Variants in CD36 observed in about 807,000 individuals in gnomAD.
The protein encoded by CD36 is platelet glycoprotein 4.
In CD36, 119 loss-of-function variants were observed where a neutral mutation model predicts 55.2. The ratio of observed to expected loss-of-function variants is 2.15; its 90% confidence interval spans 1.86 to 2.51. The LOEUF (loss-of-function observed/expected upper bound fraction) is 2.51. CD36 is among the 30% of genes most tolerant of loss of function. The pLI is 0.00. For missense variants in CD36, 819 were observed against 555.5 expected (o/e 1.47, Z -4.77); for synonymous variants, 186 against 193.6 (o/e 0.96, Z 0.33).
intron 1 of CD36, among the ~76,000 whole-genome samples, chr7:80,619,183 C>A (rs948785913): frequency 2.6e-5 from 4 of 152,168 alleles, no homozygotes; most frequent in African/African-American, 9.7e-5. Context: ...CATCCATTTA[C>A]AGCATAGTTT....
chr7:80,616,457 GCACACA>G (rs149005116), intron 1 of CD36, among the ~76,000 whole-genome samples: 3 of 148,152 alleles, frequency 2.0e-5, no homozygotes, highest in Non-Finnish European at 3.0e-5. Flanking sequence ...GTGCCTGCAC[GCACACA>G]CACACACACA....
At position 80,674,007 on chromosome 7, in the gene CD36, G is replaced by GCAAA; in HGVS notation, c.1282_1285dup (p.Met429LysfsTer126). 6.2e-7 allele frequency: 1 copy of GCAAA among 1,611,940 alleles called. No homozygotes were observed. On this transcript the variant is annotated frameshift_variant, in exon 14 of 15. Coordinates refer to ENST00000447544, the MANE Select transcript of CD36 (RefSeq NM_001001548.3). LOFTEE classifies it high-confidence loss of function. Reference sequence around the variant, plus strand: ...GACTGGGACCATTGGTGATGAGAAGGCAAACATGTTCAGAAGTCAAGTAAC... The same window carrying GCAAA: ...GACTGGGACCATTGGTGATGAGAAGGCAAACAAACATGTTCAGAAGTCAAGTAAC...
At chr7:80,669,561 CGAGCGCCTAT>C (rs1797445529) in intron 8 of CD36, among the ~76,000 whole-genome samples, 4 of 151,936 alleles carry the variant, frequency 2.6e-5, no homozygotes, top group African/African-American at 9.7e-5. Flanking sequence ...GCTGGGATTA[CGAGCGCCTAT>C]CTCAGGATAG....
rs1004549007 is a variant in CD36, at chr7:80,670,890, C to T, written c.819-87C>T. 3.7e-5 allele frequency: 35 copies of T among 947,780 alleles called. No individual in the cohort carries two copies. In the South Asian group the frequency reaches 4.1e-4, roughly 11 times the overall value. The allele number at this position is 947,780 out of a possible 1,614,324, so 58.7% of individuals were successfully genotyped here. ...GAATTTAAAAGAGTATATGATGTTT[C>T]TAAGTTAAAACAAGAATAAGAAAAA... On this transcript the variant is annotated intron_variant, in intron 9 of 14. Transcript: ENST00000447544.
chr7:80,658,266 CAT>C (rs549857556), intron 4 of CD36, among the ~76,000 whole-genome samples: 6 of 139,844 alleles, frequency 4.3e-5, no homozygotes, highest in African/African-American at 1.5e-4. Context: ...TTAGGTGTAC[CAT>C]ATATATATAC....
At chr7:80,620,057 A>G (rs375670714) in intron 1 of CD36, among the ~76,000 whole-genome samples, 4 of 152,156 alleles carry the variant, frequency 2.6e-5, no homozygotes, top group African/African-American at 9.7e-5. Flanking sequence ...CCTGGTGAAG[A>G]TGCTATGAAC....
intron 14 of CD36, chr7:80,674,527 A>T (rs56225917): frequency 2.5e-4 from 61 of 240,142 alleles, no homozygotes; most frequent in Non-Finnish European, 4.5e-4. Flanking sequence ...GCATGTAGAC[A>T]TGCTGGCCGT....
chr7:80,623,665 C>A lies in CD36; in HGVS notation c.-184+21286C>A, dbSNP rs150036635. On this transcript the variant is annotated intron_variant, in intron 1 of 13. Transcript: ENST00000309881. Reference sequence around the variant, plus strand: ...CTTGCTGGGCCCTGCCCAAGGTTGCCCTCATCTCCAGCTTTCCACAAACTG... The same window carrying A: ...CTTGCTGGGCCCTGCCCAAGGTTGCACTCATCTCCAGCTTTCCACAAACTG... Among the ~76,000 whole-genome samples, 12 of 152,244 alleles carry A rather than the reference C, an allele frequency of 7.9e-5. No individual in the cohort carries two copies. In the East Asian group the frequency reaches 2.3e-3, roughly 29 times the overall value.
At chr7:80,621,915 A>T (rs1177234518) in intron 1 of CD36, among the ~76,000 whole-genome samples, 1 of 152,222 alleles carries the variant, frequency 6.6e-6, no homozygotes, top group African/African-American at 2.4e-5. Context: ...GACTGCATTG[A>T]GAACTTGTCT....
In CD36 at chr7:80,656,806, C is replaced by A. The variant is rs10270675; in HGVS notation, c.281+106C>A. 8.3e-4 allele frequency: 841 copies of A among 1,017,460 alleles called. 6 individuals are homozygous for A. In the African/African-American group the frequency reaches 0.012, roughly 15 times the overall value. 63.0% of individuals were successfully genotyped at this position (1,017,460 alleles called of 1,614,324 possible). On this transcript the variant is annotated intron_variant, in intron 4 of 14. Coordinates refer to ENST00000447544, the MANE Select transcript of CD36 (RefSeq NM_001001548.3). ...TGTATTGAAATGTACTTATTATTTTCTTGCCAAAAATATACTTTAAAATAT... is the reference window on the plus strand; with the variant it reads ...TGTATTGAAATGTACTTATTATTTTATTGCCAAAAATATACTTTAAAATAT...
At chr7:80,643,881 T>C (rs1794973448) in intron 1 of CD36, among the ~76,000 whole-genome samples, 1 of 152,156 alleles carries the variant, frequency 6.6e-6, no homozygotes, top group Non-Finnish European at 1.5e-5. Flanking sequence ...GATCGCTATA[T>C]TTTAATTGCT....
intron 10 of CD36, 91 bp from the exon 11 acceptor site, chr7:80,671,831 A>G: frequency 4.3e-6 from 5 of 1,162,382 alleles, no homozygotes; most frequent in Non-Finnish European, 6.4e-6. Context: ...TTTTAATGCA[A>G]GAAGCTTTAG....
chr7:80,672,800 C>CGGCT lies in CD36; in HGVS notation c.1158_1161dup (p.Gln388AlafsTer31). On this transcript the variant is annotated frameshift_variant, in exon 12 of 15. Coordinates refer to ENST00000447544, the MANE Select transcript of CD36 (RefSeq NM_001001548.3). LOFTEE classifies it high-confidence loss of function. Reference sequence around the variant, plus strand: ...TGGATTCACTTTACAATTTGCAAAACGGCTGCAGGTCAACCTATTGGTCAA... The same window carrying CGGCT: ...TGGATTCACTTTACAATTTGCAAAACGGCTGGCTGCAGGTCAACCTATTGGTCAA... 6.2e-7 allele frequency: 1 copy of CGGCT among 1,610,492 alleles called. No homozygotes were observed. The highest frequency in any genetic ancestry group is 1.3e-5 in the African/African-American group (1 of 74,890).
At chr7:80,627,843 G>A (rs1286953441) in intron 1 of CD36, among the ~76,000 whole-genome samples, 1 of 151,952 alleles carries the variant, frequency 6.6e-6, no homozygotes, top group East Asian at 1.9e-4. Flanking sequence ...AAATATTTGG[G>A]AAAAGCTCAT....
chr7:80,628,707 C>G (rs1793891356), intron 1 of CD36, among the ~76,000 whole-genome samples: 1 of 151,974 alleles, frequency 6.6e-6, no homozygotes, highest in Non-Finnish European at 1.5e-5. Context: ...AGACAGATCC[C>G]AGTTAATTTA....
chr7:80,662,934 A>G (rs1444683351), intron 5 of CD36, 56 bp from the exon 6 acceptor site: 1 of 1,364,204 alleles, frequency 7.3e-7, no homozygotes, highest in African/African-American at 1.4e-5. Flanking sequence ...TAATCCATTT[A>G]TTTGTTAAAA....
At chr7:80,616,942 C>T (rs1391946004) in intron 1 of CD36, among the ~76,000 whole-genome samples, 1 of 152,156 alleles carries the variant, frequency 6.6e-6, no homozygotes, top group Non-Finnish European at 1.5e-5. Flanking sequence ...TGTTTTTATG[C>T]CTCAGTGTCA....
At chr7:80,639,461 A>G (rs1794667876) in intron 1 of CD36, among the ~76,000 whole-genome samples, 1 of 151,958 alleles carries the variant, frequency 6.6e-6, no homozygotes, top group South Asian at 2.1e-4. Context: ...ATAGTACTGA[A>G]TTATTAGATG....
intron 12 of CD36, 53 bp downstream of exon 12, chr7:80,672,896 T>A: frequency 8.7e-7 from 1 of 1,154,218 alleles, no homozygotes; most frequent in Non-Finnish European, 1.3e-6. Context: ...TCGTAGTATC[T>A]TCTTGTAAGA....
Sources: gnomAD v4.1 joint callset for allele counts (sites outside exome capture counted in the v4.1 genomes callset) on GRCh38, gnomAD v4.1.1 for gene constraint, MANE v1.5 for transcripts, NCBI Gene and HGNC (gene_info 2026-07-23, HGNC 2026-07-21) for gene names.